ATXN7: variants seen among roughly 807,000 people sequenced by gnomAD.
The protein encoded by ATXN7 is ataxin-7.
ATXN7 carries 12 observed loss-of-function variants against 70.5 expected under a neutral mutation model. That is an observed-to-expected ratio of 0.17 (90% CI 0.11 to 0.28). ATXN7 has a LOEUF of 0.28. ATXN7 is among the 10% of genes least tolerant of loss of function. The pLI, the probability that ATXN7 is intolerant of heterozygous loss-of-function variation, is 1.00. For missense variants in ATXN7, 1,256 were observed against 1,131.7 expected (o/e 1.11, Z -1.58); for synonymous variants, 498 against 448.7 (o/e 1.11, Z -1.39).
rs1466787822 is a variant in ATXN7, at chr3:63,996,171, C to T, written c.2349C>T (p.Ser783=). The T allele has an allele frequency of 1.2e-6, 2 of 1,614,154 alleles. No individual in the cohort carries two copies. The highest frequency in any genetic ancestry group is 3.3e-5 in the Admixed American group (2 of 60,022). The stretch of plus-strand genomic sequence containing the variant: ...CAGGGAGGGGCCCCCCCACCGGGAG[C>T]CCTGCTGAATCCATCAAGAGGATGA... ...DQSGRGPPTG[S]PAESIKRMSV... The change falls in exon 12 of 13, where the codon AGC becomes AGT. Residue 783 remains serine, a synonymous_variant. Transcript: ENST00000674280.
chr3:63,960,284 A>AG (rs1340926462), intron 5 of ATXN7, among the ~76,000 whole-genome samples: 1 of 152,182 alleles, frequency 6.6e-6, no homozygotes, highest in Non-Finnish European at 1.5e-5. Context: ...CAAGGAGGAA[A>AG]GGGGTCCAAG....
chr3:63,932,278 CAT>C (rs1226147009), intron 4 of ATXN7, among the ~76,000 whole-genome samples: 1 of 152,182 alleles, frequency 6.6e-6, no homozygotes, highest in African/African-American at 2.4e-5. Flanking sequence ...ATTACAGAAA[CAT>C]ACAGTATTTT....
chr3:63,863,797 CGCGGCGGCGGCG>C (rs546741642), upstream of ATXN7: 796 of 1,245,680 alleles, frequency 6.4e-4, 2 homozygotes, highest in African/African-American at 7.5e-3. Context: ...CCATGGCGTG[CGCGGCGGCGGCG>C]GCGGCGGCGG....
intron 1 of ATXN7, among the ~76,000 whole-genome samples, chr3:63,883,821 A>G (rs1245828103): frequency 6.6e-6 from 1 of 152,110 alleles, no homozygotes; most frequent in Non-Finnish European, 1.5e-5. Context: ...ATTTAATTCT[A>G]GATTTCTTCT....
intron 8 of ATXN7, among the ~76,000 whole-genome samples, chr3:63,984,322 G>A (rs936443779): frequency 5.3e-5 from 8 of 151,770 alleles, no homozygotes; most frequent in Non-Finnish European, 7.4e-5. Context: ...GCCCATCCTT[G>A]GATTTCTAGG....
At position 63,914,497 on chromosome 3, in the gene ATXN7, C is replaced by T. The variant is rs182580153; in HGVS notation, c.394+1272C>T. ...TTGATGATGTTGCAATATGAAAAAT[C>T]AGTTGCTAGTCCGGTTTTAGTGCTG... On this transcript the variant is annotated intron_variant, in intron 4 of 12. Coordinates refer to ENST00000674280, the MANE Select transcript of ATXN7 (RefSeq NM_001377405.1). Among the ~76,000 whole-genome samples the T allele has an allele frequency of 1.6e-3, 247 of 152,290 alleles. 3 individuals are homozygous for T. Among genetic ancestry groups the T allele is most frequent in the African/African-American group, 5.8e-3 (240 of 41,546 alleles).
intron 5 of ATXN7, among the ~76,000 whole-genome samples, chr3:63,967,152 T>G (rs1430112725): frequency 6.6e-6 from 1 of 152,062 alleles, no homozygotes; most frequent in Non-Finnish European, 1.5e-5. Context: ...AGAGGGAGTG[T>G]GATAGGGATG....
rs541413274 is a variant in ATXN7 at position 63,992,259 on chromosome 3, G to A, written c.1682+1400G>A. ...GTTTCCTTAGAACACCAGATTCAGA[G>A]CACTGTTACTCTGCTTTTCTTTTTC... On this transcript the variant is annotated intron_variant, in intron 11 of 12. Transcript: ENST00000674280. Among the ~76,000 whole-genome samples the A allele has an allele frequency of 5.9e-5, 9 of 152,296 alleles. No individual in the cohort carries two copies. The South Asian group carries it at 1.7e-3, about 28-fold the overall frequency.
In ATXN7 at chr3:63,864,138, G is replaced by T. The variant is rs1221225668; in HGVS notation, c.-131G>T. Among the ~76,000 whole-genome samples, 2 of 149,192 alleles carry T rather than the reference G, an allele frequency of 1.3e-5. No individual in the cohort carries two copies. The highest frequency in any genetic ancestry group is 4.9e-5 in the African/African-American group (2 of 41,102). The stretch of plus-strand genomic sequence containing the variant: ...CGGCCCACGCCCAGAGGCCGCCCCG[G>T]AGGCCGCAGCCAGCCGCCAGGTGAG... On this transcript the variant is annotated 5_prime_UTR_variant, in exon 1 of 13. Coordinates refer to ENST00000674280, the MANE Select transcript of ATXN7 (RefSeq NM_001377405.1).
chr3:63,917,964 A>G (rs2107311110), intron 4 of ATXN7, among the ~76,000 whole-genome samples: 1 of 152,328 alleles, frequency 6.6e-6, no homozygotes, highest in East Asian at 1.9e-4. Context: ...TCTGTCCTTA[A>G]TATAGTGCTC....
chr3:63,984,362 T>C (rs1461809969), intron 8 of ATXN7, among the ~76,000 whole-genome samples: 3 of 152,194 alleles, frequency 2.0e-5, no homozygotes, highest in African/African-American at 7.2e-5. Context: ...AAACTGCTTT[T>C]TTTTTGTATA....
At chr3:63,961,007 A>G (rs937484475) in intron 5 of ATXN7, among the ~76,000 whole-genome samples, 6 of 152,256 alleles carry the variant, frequency 3.9e-5, no homozygotes, top group African/African-American at 1.4e-4. Flanking sequence ...CTGCCTTTCA[A>G]TTTGTTTTTA....
intron 8 of ATXN7, among the ~76,000 whole-genome samples, chr3:63,984,341 T>C (rs567423831): frequency 6.0e-4 from 91 of 152,230 alleles, no homozygotes; most frequent in Middle Eastern, 3.4e-3. Context: ...GGTTAAAAAC[T>C]CTCATAAAAC....
At position 63,982,206 on chromosome 3, in the gene ATXN7, T is replaced by A; in HGVS notation, c.773T>A (p.Val258Glu). 6.2e-7 allele frequency: 1 copy of A among 1,614,036 alleles called. No homozygotes were observed. Among genetic ancestry groups the A allele is most frequent in the Non-Finnish European group, 8.5e-7 (1 of 1,180,034 alleles). Residue 258 changes from valine (V) to glutamate (E), a missense_variant, in exon 7 of 13, where the codon GTG becomes GAG. Physicochemically the swap from Val to Glu is moderately radical, Grantham distance 121. Transcript: ENST00000674280. Reference sequence around the variant, plus strand: ...GACAGCATGACACCCTCTGTGAAAGTGGAAAAGATTCATCCGAAAATGGAT... The same window carrying A: ...GACAGCATGACACCCTCTGTGAAAGAGGAAAAGATTCATCCGAAAATGGAT... The part of the protein sequence containing the change: ...HGRIMTPSVK[V>E]EKIHPKMDGT...
chr3:63,910,867 T>C (rs73117042), intron 2 of ATXN7, among the ~76,000 whole-genome samples: 15,820 of 152,118 alleles, frequency 0.1, 1,003 homozygotes, highest in Admixed American at 0.15. Context: ...TGTGTGTGTG[T>C]GCGCTTTTAA....
chr3:63,992,856 A>G (rs1386706555), intron 11 of ATXN7, among the ~76,000 whole-genome samples: 1 of 152,182 alleles, frequency 6.6e-6, no homozygotes, highest in Non-Finnish European at 1.5e-5. Context: ...GCCTCCCAAC[A>G]TAGGAGTGCT....
Position 63,995,690 on chromosome 3 carries a change from C to G in ATXN7, c.1868C>G (p.Thr623Ser), listed in dbSNP as rs1414412306. 6.2e-7 allele frequency: 1 copy of G among 1,614,232 alleles called. No individual in the cohort carries two copies. Among genetic ancestry groups the G allele is most frequent in the Admixed American group, 1.7e-5 (1 of 60,034 alleles). The change falls in exon 12 of 13, where the codon ACC (threonine) becomes AGC (serine). Residue 623 changes from threonine (T) to serine (S), a missense_variant. Physicochemically the swap from Thr to Ser is moderately conservative, Grantham distance 58 (BLOSUM62 1). Transcript: ENST00000674280. Reference sequence around the variant, plus strand: ...AGCAAATCGGTACCAGCTCATGGAACCACACTAAATGCACAGCCTGCTGCT... The same window carrying G: ...AGCAAATCGGTACCAGCTCATGGAAGCACACTAAATGCACAGCCTGCTGCT... The part of the protein sequence containing the change: ...PNSKSVPAHG[T>S]TLNAQPAASG...
chr3:63,970,341 C>A (rs1373515627), intron 5 of ATXN7, among the ~76,000 whole-genome samples: 1 of 152,058 alleles, frequency 6.6e-6, no homozygotes, highest in Admixed American at 6.5e-5. Context: ...AAAAGGGCGT[C>A]CTTCAGGAAC....
intron 4 of ATXN7, among the ~76,000 whole-genome samples, chr3:63,944,021 C>T (rs2074814702): frequency 6.6e-6 from 1 of 152,150 alleles, no homozygotes; most frequent in Non-Finnish European, 1.5e-5. Context: ...GCTGCTGGAG[C>T]CCCAGCATGC....
Sources: allele counts gnomAD v4.1 joint callset (sites outside exome capture counted in the v4.1 genomes callset), GRCh38; gene constraint gnomAD v4.1.1; transcripts MANE v1.5; gene names NCBI Gene and HGNC (gene_info 2026-07-23, HGNC 2026-07-21).